The following NHSL1 variants were observed in gnomAD, a reference collection of about 807,000 sequenced individuals.
NHSL1 encodes the protein NHS-like protein 1.
In NHSL1, 48 loss-of-function variants were observed where a neutral mutation model predicts 95.0. The ratio of observed to expected loss-of-function variants is 0.51; its 90% confidence interval spans 0.40 to 0.64. NHSL1 has a LOEUF of 0.64. NHSL1 is among the 30% of genes least tolerant of loss of function. The pLI is 0.00. For missense variants in NHSL1, 1,971 were observed against 2,077.7 expected, an observed-to-expected ratio of 0.95 and a Z score of 1.00; for synonymous variants, 783 against 833.9, an observed-to-expected ratio of 0.94 and a Z score of 1.05.
chr6:138,629,398 T>C (rs1247699438), intron 1 of NHSL1, among the ~76,000 whole-genome samples: 2 of 151,862 alleles, frequency 1.3e-5, no homozygotes, highest in African/African-American at 4.8e-5. Context: ...TCTTTTTTTT[T>C]TGAGACGGAG....
At chr6:138,612,382 G>A (rs1033498521) in intron 1 of NHSL1, among the ~76,000 whole-genome samples, 2 of 152,052 alleles carry the variant, frequency 1.3e-5, no homozygotes, top group African/African-American at 2.4e-5. Context: ...CTAAGTGCCC[G>A]GGGAAGGATT....
chr6:138,423,998 A>G lies in NHSL1; in HGVS notation c.*83T>C. The stretch of plus-strand genomic sequence containing the variant: ...GCAGAGTGGGCTCCCCGGGTGAGCC[A>G]GGGAAGGGCGCCTAGCAGGCTTCCT... On this transcript the variant is annotated 3_prime_UTR_variant, in exon 8 of 8. Coordinates refer to ENST00000343505, the MANE Select transcript of NHSL1 (RefSeq NM_001144060.2). The G allele has an allele frequency of 1.6e-6, 2 of 1,257,354 alleles. No homozygotes were observed. Among genetic ancestry groups the G allele is most frequent in the Non-Finnish European group, 2.0e-6 (2 of 995,032 alleles). 77.9% of individuals were successfully genotyped at this position (1,257,354 alleles called of 1,614,324 possible).
chr6:138,434,386 A>G lies in NHSL1; in HGVS notation c.665-706T>C, dbSNP rs373691957. ...AGGATGATTTATTCGTTGGAGTTTTACAACCAAACAGAGAATAGTATGTTA... is the reference window on the plus strand; with the variant it reads ...AGGATGATTTATTCGTTGGAGTTTTGCAACCAAACAGAGAATAGTATGTTA... On this transcript the variant is annotated intron_variant, in intron 5 of 7. Coordinates refer to ENST00000343505, the MANE Select transcript of NHSL1 (RefSeq NM_001144060.2). Among the ~76,000 whole-genome samples, 150 of 152,078 alleles carry G rather than the reference A, an allele frequency of 9.9e-4. 2 individuals are homozygous for G. In the South Asian group the frequency reaches 0.03, roughly 30 times the overall value.
chr6:138,647,183 C>T (rs1785030998), intron 1 of NHSL1, among the ~76,000 whole-genome samples: 1 of 152,184 alleles, frequency 6.6e-6, no homozygotes, highest in African/African-American at 2.4e-5. Flanking sequence ...AGTTTCCTGT[C>T]CTGGGGGCGA....
chr6:138,661,831 C>G (rs1168240186), intron 1 of NHSL1, among the ~76,000 whole-genome samples: 1 of 152,076 alleles, frequency 6.6e-6, no homozygotes, highest in Admixed American at 6.6e-5. Flanking sequence ...CTTTGAGAGG[C>G]TGAGGTGGGA....
At chr6:138,552,917 G>A (rs1196576213) in intron 1 of NHSL1, among the ~76,000 whole-genome samples, 1 of 152,290 alleles carries the variant, frequency 6.6e-6, no homozygotes, top group East Asian at 1.9e-4. Context: ...AAAGCATAGT[G>A]CCTATGGCTG....
chr6:138,633,751 T>C lies in NHSL1; in HGVS notation c.96+58725A>G. Among the ~76,000 whole-genome samples, 2 of 152,182 alleles carry C rather than the reference T, an allele frequency of 1.3e-5. 1 individual carries two copies. On this transcript the variant is annotated intron_variant, in intron 1 of 3. Coordinates refer to the NHSL1 transcript ENST00000491526. ...AATCACCTAAAGGTACAAAACTCAC[T>C]GGTAATAGTAAGCACACAGAAAAAC... is the stretch of plus-strand genomic sequence containing the variant.
chr6:138,572,657 T>C (rs961998748), upstream of NHSL1: 8 of 152,226 alleles, frequency 5.3e-5, no homozygotes, highest in South Asian at 2.1e-4. Flanking sequence ...AGGCACCTCA[T>C]TGGAGACAGA....
chr6:138,531,839 T>A (rs1249727995), intron 1 of NHSL1, among the ~76,000 whole-genome samples: 2 of 152,204 alleles, frequency 1.3e-5, no homozygotes, highest in African/African-American at 2.4e-5. Flanking sequence ...TTAAACCAGA[T>A]GATACACCAG....
chr6:138,690,443 A>T (rs79288552), intron 1 of NHSL1, among the ~76,000 whole-genome samples: 1 of 124,998 alleles, frequency 8.0e-6, no homozygotes, highest in East Asian at 2.0e-4. Context: ...CATGATTATT[A>T]AAAAAAAAAA....
chr6:138,460,120 A>G (rs1361660273), intron 3 of NHSL1, among the ~76,000 whole-genome samples: 1 of 152,178 alleles, frequency 6.6e-6, no homozygotes, highest in Non-Finnish European at 1.5e-5. Flanking sequence ...TAAGCATTGG[A>G]CTTACCTACT....
intron 1 of NHSL1, among the ~76,000 whole-genome samples, chr6:138,659,721 G>T (rs9495189): frequency 0.041 from 5,212 of 128,524 alleles, 104 homozygotes; most frequent in Middle Eastern, 0.089. Context: ...TTTTTTTTTT[G>T]TTTTTTTTTT....
At chr6:138,485,446 T>TA (rs768633258) in intron 2 of NHSL1, among the ~76,000 whole-genome samples, 6,304 of 115,446 alleles carry the variant, frequency 0.055, 163 homozygotes, top group South Asian at 0.082. Flanking sequence ...TGCTTACCGT[T>TA]AAAAAAAAAA....
Position 138,451,487 on chromosome 6 carries a change from C to T in NHSL1, c.340-4294G>A, listed in dbSNP as rs777802774. 3.3e-4 allele frequency among the ~76,000 whole-genome samples: 50 copies of T among 152,026 alleles called. 2 individuals are homozygous for T. Among genetic ancestry groups the T allele is most frequent in the Admixed American group, 2.3e-3 (35 of 15,262 alleles). On this transcript the variant is annotated intron_variant, in intron 3 of 7. Transcript: ENST00000343505. ...ATTTTATTTATATATATTGTCTCTC[C>T]GACAAGAATATAAGTTCCATGAAGC...
chr6:138,431,117 C>A lies in NHSL1; in HGVS notation c.3228G>T (p.Val1076=), dbSNP rs1224031418. The A allele has an allele frequency of 6.4e-7, 1 of 1,551,708 alleles. No homozygotes were observed. The change falls in exon 6 of 8, where the codon GTG becomes GTT. Residue 1076 remains valine, a synonymous_variant. Coordinates refer to ENST00000343505, the MANE Select transcript of NHSL1 (RefSeq NM_001144060.2). The surrounding 1 kb of genome is among the most constrained non-coding windows in gnomAD (Gnocchi z 4.0). ...AGTTCTTTCTCACGGGCCTCAACTG[C>A]ACCATCTGCAATGCTTCCGTGGTTA... is the stretch of plus-strand genomic sequence containing the variant. ...PLITTEALQM[V]QLRPVRKNSG... is the part of the protein sequence containing the mutation.
chr6:138,486,455 A>G (rs541384267), intron 2 of NHSL1, among the ~76,000 whole-genome samples: 1 of 152,110 alleles, frequency 6.6e-6, no homozygotes, highest in South Asian at 2.1e-4. Context: ...TTTTCTTACA[A>G]TGACTCTCTC....
At chr6:138,576,067 T>C (rs1052181313), upstream of NHSL1, among the ~76,000 whole-genome samples, 1 of 152,088 alleles carries the variant, frequency 6.6e-6, no homozygotes, top group African/African-American at 2.4e-5. Context: ...TCTTGTCTCA[T>C]TGCAACCTTC....
At chr6:138,669,091 G>C (rs143004483) in intron 1 of NHSL1, among the ~76,000 whole-genome samples, 1 of 152,206 alleles carries the variant, frequency 6.6e-6, no homozygotes, top group African/African-American at 2.4e-5. Flanking sequence ...AAAGCATGGT[G>C]GTATCCTTCA....
At chr6:138,625,016 CTT>C (rs775920029) in intron 1 of NHSL1, among the ~76,000 whole-genome samples, 62 of 152,124 alleles carry the variant, frequency 4.1e-4, no homozygotes, top group Non-Finnish European at 7.2e-4. Context: ...GATATTCTGT[CTT>C]AATATAAAAT....
Sources: gnomAD v4.1 joint callset for allele counts (sites outside exome capture counted in the v4.1 genomes callset) on GRCh38, gnomAD v4.1.1 for gene constraint, Gnocchi (gnomAD v3.1) non-coding constraint, MANE v1.5 for transcripts, NCBI Gene and HGNC (gene_info 2026-07-23, HGNC 2026-07-21) for gene names.